NPNT: variants seen among roughly 807,000 people sequenced by gnomAD.
NPNT encodes the protein preosteoblast EGF-like repeat protein with MAM domain.
NPNT carries 45 observed loss-of-function variants against 68.6 expected under a neutral mutation model. The ratio of observed to expected loss-of-function variants is 0.66; its 90% CI spans 0.52 to 0.84. The LOEUF is 0.84. Ranked by LOEUF, NPNT falls within the 40% of genes least tolerant of loss-of-function variation. The probability of loss-of-function intolerance (pLI) is 0.00; values close to 1 mark genes in which losing one functional copy is unlikely to be tolerated. For synonymous variants in NPNT, 233 were observed against 253.3 expected (o/e 0.92, Z 0.76); for missense variants, 672 against 714.8 (o/e 0.94, Z 0.68).
intron 1 of NPNT, 26 bp from the exon 2 acceptor site, chr4:105,897,875 T>G: frequency 6.4e-7 from 1 of 1,555,514 alleles, no homozygotes; most frequent in Non-Finnish European, 8.9e-7. Flanking sequence ...GTGTCCTTAT[T>G]TATTTTGAAT....
chr4:105,968,430 G>A (rs1732343651), intron 11 of NPNT, among the ~76,000 whole-genome samples: 1 of 152,216 alleles, frequency 6.6e-6, no homozygotes, highest in African/African-American at 2.4e-5. Flanking sequence ...AAGCAACAGT[G>A]TGATTGGATT....
At chr4:105,939,804 A>G (rs967926715) in intron 5 of NPNT, among the ~76,000 whole-genome samples, 1 of 152,114 alleles carries the variant, frequency 6.6e-6, no homozygotes, top group Admixed American at 6.6e-5. Context: ...TTCAAGAATG[A>G]CTCATGTTTC....
chr4:105,900,834 G>GTTTTTTTTTTTTTTTTT (rs765343668), intron 2 of NPNT, among the ~76,000 whole-genome samples: 6 of 96,636 alleles, frequency 6.2e-5, no homozygotes, highest in African/African-American at 2.7e-4. Flanking sequence ...ACCCTTGGTT[G>GTTTTTTTTTTTTTTTTT]TTTTTTTTTT....
At chr4:105,903,776 C>G (rs925277850) in intron 2 of NPNT, among the ~76,000 whole-genome samples, 2 of 147,262 alleles carry the variant, frequency 1.4e-5, no homozygotes, top group Non-Finnish European at 3.0e-5. Flanking sequence ...ATTTATAGAC[C>G]TTCTTACTTT....
At chr4:105,926,370 C>G (rs562697499) in intron 2 of NPNT, among the ~76,000 whole-genome samples, 10 of 152,242 alleles carry the variant, frequency 6.6e-5, no homozygotes, top group Admixed American at 2.6e-4. Flanking sequence ...ATATTTGGTA[C>G]AGAACAAGGT....
chr4:105,916,509 A>C (rs560765574), intron 2 of NPNT, among the ~76,000 whole-genome samples: 9 of 151,860 alleles, frequency 5.9e-5, no homozygotes, highest in Non-Finnish European at 1.2e-4. Flanking sequence ...GGCCTGGGCC[A>C]CTGTACCCAG....
At chr4:105,951,932 G>A (rs1166759409) in intron 8 of NPNT, among the ~76,000 whole-genome samples, 1 of 152,050 alleles carries the variant, frequency 6.6e-6, no homozygotes, top group East Asian at 1.9e-4. Context: ...AAATTTTCCT[G>A]TGCCTTTGTT....
At position 105,969,024 on chromosome 4, in the gene NPNT, C is replaced by T. The variant is rs368252411; in HGVS notation, c.*34C>T. The T allele has an allele frequency of 5.5e-4, 717 of 1,313,686 alleles. 1 individual carries two copies. The highest frequency in any genetic ancestry group is 3.0e-3 in the African/African-American group (210 of 68,898). The allele number at this position is 1,313,686 out of a possible 1,614,324, so 81.4% of individuals were successfully genotyped here. ...GAACTAACAATGAACTCCTATGTTG[C>T]TCTATCCTCTTTTTCCAATTCTCAT... On this transcript the variant is annotated 3_prime_UTR_variant, in exon 12 of 12. Coordinates refer to ENST00000379987, the MANE Select transcript of NPNT (RefSeq NM_001033047.3).
rs560206586 is a variant in NPNT at position 105,954,908 on chromosome 4, C to T, written c.1160-3563C>T. On this transcript the variant is annotated intron_variant, in intron 8 of 11. Transcript: ENST00000379987. ...GGAAATTGTTAAAAATCTGCCTTCA[C>T]TTCTAGAATGTAGATCCCATGAAGG... is the stretch of plus-strand genomic sequence containing the variant. 2.6e-5 allele frequency among the ~76,000 whole-genome samples: 4 copies of T among 152,322 alleles called. No homozygotes were observed. In the South Asian group the frequency reaches 8.3e-4, roughly 32 times the overall value.
At chr4:105,944,168 C>G (rs1048127705) in intron 8 of NPNT, among the ~76,000 whole-genome samples, 1 of 152,080 alleles carries the variant, frequency 6.6e-6, no homozygotes, top group Non-Finnish European at 1.5e-5. Context: ...TGGTAGCTCT[C>G]AAAATATACA....
At chr4:105,929,901 T>C (rs981871390) in intron 3 of NPNT, among the ~76,000 whole-genome samples, 1 of 151,966 alleles carries the variant, frequency 6.6e-6, no homozygotes, top group Non-Finnish European at 1.5e-5. Context: ...TACTTTTTTT[T>C]CCTGTAACAC....
chr4:105,900,775 C>T (rs1303019365), intron 2 of NPNT, among the ~76,000 whole-genome samples: 3 of 151,954 alleles, frequency 2.0e-5, no homozygotes, highest in African/African-American at 7.2e-5. Context: ...AAGCATGACC[C>T]GTTCCAGAAA....
Position 105,940,159 on chromosome 4 carries a change from G to T in NPNT, c.590G>T (p.Cys197Phe), listed in dbSNP as rs144069851. ...VNTFGSYICK[C>F]HKGFDLMYIG... ...ACTTTTGGGAGCTACATCTGCAAGT[G>T]TCATAAAGGCTTCGATCTCATGTAT... The change falls in exon 6 of 12, where the codon TGT (cysteine) becomes TTT (phenylalanine). Residue 197 changes from cysteine (C) to phenylalanine (F), a missense_variant. By Grantham distance (205) the Cys-to-Phe change is radical (BLOSUM62 -2). Transcript: ENST00000379987. 2.5e-6 allele frequency: 4 copies of T among 1,613,006 alleles called. No individual in the cohort carries two copies. Among genetic ancestry groups the T allele is most frequent in the Non-Finnish European group, 3.4e-6 (4 of 1,179,180 alleles).
chr4:105,919,311 A>G (rs1708899687), intron 2 of NPNT, among the ~76,000 whole-genome samples: 1 of 152,004 alleles, frequency 6.6e-6, no homozygotes, highest in African/African-American at 2.4e-5. Flanking sequence ...AGTAACTTAC[A>G]GACCTAATGA....
chr4:105,928,736 T>G (rs191068101), intron 3 of NPNT, among the ~76,000 whole-genome samples: 156 of 151,790 alleles, frequency 1.0e-3, no homozygotes, highest in African/African-American at 3.6e-3. Context: ...TTTTACTTAT[T>G]TTTTAAATTA....
At chr4:105,917,811 A>G (rs750322528) in intron 2 of NPNT, among the ~76,000 whole-genome samples, 6 of 152,196 alleles carry the variant, frequency 3.9e-5, no homozygotes, top group Non-Finnish European at 8.8e-5. Flanking sequence ...ATTAACTGCT[A>G]TATTTGTGAA....
chr4:105,895,804 G>T lies in NPNT; in HGVS notation c.71+81G>T, dbSNP rs889444711. On this transcript the variant is annotated intron_variant, in intron 1 of 11. Coordinates refer to ENST00000379987, the MANE Select transcript of NPNT (RefSeq NM_001033047.3). ...TGTCTTGGGTCACTTTTCCCCGCGG[G>T]GTTTCGTGGTCAGAGAGGCGTCTCC... The T allele has an allele frequency of 5.5e-6, 7 of 1,280,394 alleles. No individual in the cohort carries two copies. The Admixed American group carries it at 1.4e-4, about 26-fold the overall frequency. 79.3% of individuals were successfully genotyped at this position (1,280,394 alleles called of 1,614,324 possible). A position where few individuals can be genotyped will look rare whatever the true frequency, so the allele number is the denominator to read the frequency against.
chr4:105,915,878 A>G (rs970093005), intron 2 of NPNT, among the ~76,000 whole-genome samples: 3 of 152,166 alleles, frequency 2.0e-5, no homozygotes, highest in African/African-American at 7.2e-5. Context: ...ACTTCAGTCA[A>G]CATTGATTAT....
intron 10 of NPNT, among the ~76,000 whole-genome samples, chr4:105,959,916 T>C (rs1052463382): frequency 1.3e-5 from 2 of 151,826 alleles, no homozygotes; most frequent in Non-Finnish European, 2.9e-5. Context: ...TTCAATGAAT[T>C]CTCCTGCCTC....
Sources: allele counts gnomAD v4.1 joint callset (sites outside exome capture counted in the v4.1 genomes callset), GRCh38; gene constraint gnomAD v4.1.1; transcripts MANE v1.5; gene names NCBI Gene and HGNC (gene_info 2026-07-23, HGNC 2026-07-21).